Variants in GALNT13 observed in about 807,000 individuals in gnomAD.
GALNT13 encodes the protein UDP-GalNAc:polypeptide N-acetylgalactosaminyltransferase 13.
In GALNT13, 28 loss-of-function variants were observed where a neutral mutation model predicts 64.2. The observed-to-expected ratio is 0.44, with a 90% CI of 0.32 to 0.60. The LOEUF (loss-of-function observed/expected upper bound fraction) is 0.60. Among genes scored for constraint, GALNT13 ranks in the 20% least tolerant of loss-of-function variants. GALNT13 has a pLI of 0.05. For missense variants in GALNT13, 577 were observed against 669.8 expected, an observed-to-expected ratio of 0.86 and a Z score of 1.53; for synonymous variants, 214 against 224.6, an observed-to-expected ratio of 0.95 and a Z score of 0.42.
chr2:153,164,815 T>G, the GALNT13 span, among the ~76,000 whole-genome samples: 1,188 of 152,296 alleles, frequency 7.8e-3, 12 homozygotes, highest in African/African-American at 0.026. Flanking sequence ...TTGTACTCAT[T>G]GTGCACCAAC....
At chr2:154,425,058 T>A (rs923045243) in intron 11 of GALNT13, among the ~76,000 whole-genome samples, 1 of 152,200 alleles carries the variant, frequency 6.6e-6, no homozygotes, top group East Asian at 1.9e-4. Flanking sequence ...CCTTTACAGA[T>A]AGAGAGTTGT....
At chr2:153,833,517 C>T in the GALNT13 span, among the ~76,000 whole-genome samples, 1 of 152,072 alleles carries the variant, frequency 6.6e-6, no homozygotes, top group South Asian at 2.1e-4. Context: ...AGAAGTCTCA[C>T]AGTATAATGT....
intron 2 of GALNT13, among the ~76,000 whole-genome samples, chr2:153,913,133 G>T (rs1337438388): frequency 6.6e-6 from 1 of 152,188 alleles, no homozygotes; most frequent in Non-Finnish European, 1.5e-5. Context: ...TCACACTGGT[G>T]GTGGTGGCTG....
chr2:153,954,206 T>A (rs1006069537), intron 3 of GALNT13, among the ~76,000 whole-genome samples: 4 of 152,130 alleles, frequency 2.6e-5, no homozygotes, highest in African/African-American at 7.2e-5. Context: ...AGCAAATTTT[T>A]AAAATATATG....
the GALNT13 span, among the ~76,000 whole-genome samples, chr2:153,406,171 G>A: frequency 2.0e-5 from 3 of 152,170 alleles, no homozygotes; most frequent in Non-Finnish European, 4.4e-5. Flanking sequence ...GGGAATTTCA[G>A]TGGAACTTTG....
chr2:153,162,028 A>C, the GALNT13 span, among the ~76,000 whole-genome samples: 2 of 152,274 alleles, frequency 1.3e-5, no homozygotes, highest in African/African-American at 4.8e-5. Context: ...GGTTTTTGCT[A>C]TCTGAAGGCG....
chr2:154,035,845 A>C (rs905755644), intron 3 of GALNT13, among the ~76,000 whole-genome samples: 1 of 152,066 alleles, frequency 6.6e-6, no homozygotes, highest in Non-Finnish European at 1.5e-5. Flanking sequence ...ATGAATATGG[A>C]TTGAACACTC....
chr2:153,533,717 G>GTTTTTC, the GALNT13 span, among the ~76,000 whole-genome samples: 1 of 24,066 alleles, frequency 4.2e-5, no homozygotes, highest in Admixed American at 4.8e-4. Flanking sequence ...ATATCCTGAG[G>GTTTTTC]TTTTTCTTTT....
At chr2:153,512,503 A>G in the GALNT13 span, among the ~76,000 whole-genome samples, 1 of 152,210 alleles carries the variant, frequency 6.6e-6, no homozygotes, top group Middle Eastern at 3.4e-3. Flanking sequence ...TGAGCTCTGG[A>G]GCCTAACTGT....
intron 3 of GALNT13, among the ~76,000 whole-genome samples, chr2:154,098,095 T>C (rs972314800): frequency 1.3e-5 from 2 of 150,902 alleles, no homozygotes; most frequent in Admixed American, 6.6e-5. Context: ...TCTTTCTTTT[T>C]TTTTTTTTTT....
the GALNT13 span, among the ~76,000 whole-genome samples, chr2:153,798,140 A>G: frequency 1.3e-5 from 2 of 152,208 alleles, no homozygotes; most frequent in Non-Finnish European, 1.5e-5. Context: ...AAGTCAACAC[A>G]TAACTCCTTT....
the GALNT13 span, among the ~76,000 whole-genome samples, chr2:153,234,325 G>A: frequency 1.3e-5 from 2 of 152,248 alleles, no homozygotes; most frequent in Non-Finnish European, 2.9e-5. Context: ...TTGGGAGGAA[G>A]CCACAGAAGT....
At chr2:153,157,633 A>T in the GALNT13 span, among the ~76,000 whole-genome samples, 1 of 152,194 alleles carries the variant, frequency 6.6e-6, no homozygotes, top group South Asian at 2.1e-4. Context: ...GATTAACCTG[A>T]TGAGTCATAT....
At chr2:153,135,639 A>T in the GALNT13 span, among the ~76,000 whole-genome samples, 2 of 152,062 alleles carry the variant, frequency 1.3e-5, no homozygotes, top group African/African-American at 4.8e-5. Flanking sequence ...GGAACTTTCA[A>T]AGGTAATTTT....
chr2:153,424,949 C>T, the GALNT13 span, among the ~76,000 whole-genome samples: 4 of 151,808 alleles, frequency 2.6e-5, no homozygotes, highest in Non-Finnish European at 5.9e-5. Context: ...TGAATCATGT[C>T]TACCTACATC....
At chr2:154,377,075 A>G (rs958762696) in intron 9 of GALNT13, among the ~76,000 whole-genome samples, 3 of 152,172 alleles carry the variant, frequency 2.0e-5, no homozygotes, top group Non-Finnish European at 4.4e-5. Flanking sequence ...TACCTGCAGG[A>G]TTACCTCAAA....
intron 4 of GALNT13, among the ~76,000 whole-genome samples, chr2:154,227,591 T>G (rs1320121837): frequency 6.6e-6 from 1 of 151,214 alleles, no homozygotes; most frequent in Non-Finnish European, 1.5e-5. Flanking sequence ...TTTGGTTTTT[T>G]GTCCTTGCGA....
At chr2:153,397,913 T>G in the GALNT13 span, among the ~76,000 whole-genome samples, 9 of 152,050 alleles carry the variant, frequency 5.9e-5, no homozygotes, top group African/African-American at 2.2e-4. Flanking sequence ...GTGAACAGAT[T>G]TTTTTTAATT....
chr2:153,473,182 T>C, the GALNT13 span, among the ~76,000 whole-genome samples: 1 of 151,800 alleles, frequency 6.6e-6, no homozygotes, highest in Non-Finnish European at 1.5e-5. Flanking sequence ...AACTTAAAAG[T>C]ATAATAACAA....
Sources: allele counts gnomAD v4.1 joint callset (sites outside exome capture counted in the v4.1 genomes callset), GRCh38; gene constraint gnomAD v4.1.1; transcripts MANE v1.5; gene names NCBI Gene and HGNC (gene_info 2026-07-23, HGNC 2026-07-21).